ACOT1: variants seen among roughly 807,000 people sequenced by gnomAD.
ACOT1 encodes the protein acyl-coenzyme A thioesterase 1.
In ACOT1, 8 loss-of-function variants were observed where a neutral mutation model predicts 15.7. The ratio of observed to expected loss-of-function variants is 0.51; its 90% confidence interval spans 0.30 to 0.92. The LOEUF is 0.92. ACOT1 is among the 40% of genes least tolerant of loss of function. ACOT1 has a pLI of 0.06. For synonymous variants in ACOT1, 67 were observed against 241.2 expected, an observed-to-expected ratio of 0.28 and a Z score of 6.69; for missense variants, 151 against 539.4, an observed-to-expected ratio of 0.28 and a Z score of 7.13.
the ACOT1 span, among the ~76,000 whole-genome samples, chr14:73,494,690 A>AC: frequency 3.3e-5 from 5 of 152,092 alleles, no homozygotes; most frequent in African/African-American, 1.2e-4. Context: ...AGATAGGACT[A>AC]CCAGTGTGTG....
At chr14:73,504,880 G>T in the ACOT1 span, among the ~76,000 whole-genome samples, 1 of 152,126 alleles carries the variant, frequency 6.6e-6, no homozygotes, top group South Asian at 2.1e-4. Context: ...ACGAAGTGTT[G>T]CCTGGAATTC....
intron 1 of ACOT1, among the ~76,000 whole-genome samples, chr14:73,540,756 TTTTTTGA>T (rs1378415763): frequency 2.6e-5 from 3 of 117,532 alleles, no homozygotes; most frequent in Non-Finnish European, 1.8e-5. Flanking sequence ...TTTTTTTTTT[TTTTTTGA>T]GACAGTGTCT....
the ACOT1 span, chr14:73,492,098 C>G: frequency 1.9e-6 from 3 of 1,613,952 alleles, no homozygotes; most frequent in South Asian, 2.2e-5. This position sits in a 1 kb window ranked among gnomAD's most constrained non-coding sequence, Gnocchi z 4.9. Flanking sequence ...GCGTGTATAC[C>G]GACCCCGAGT....
At chr14:73,509,877 T>TTTA in the ACOT1 span, among the ~76,000 whole-genome samples, 1 of 111,624 alleles carries the variant, frequency 9.0e-6, no homozygotes, top group African/African-American at 3.3e-5. Context: ...TATTTATTTA[T>TTTA]TTTATATATT....
rs972068387 is a variant in ACOT1, at chr14:73,542,769, G to C, written c.661-281G>C. 2.7e-5 allele frequency among the ~76,000 whole-genome samples: 3 copies of C among 111,974 alleles called. 1 individual carries two copies. The highest frequency in any genetic ancestry group is 3.8e-5 in the Non-Finnish European group (2 of 52,294). The allele number at this position is 111,974 out of a possible 152,430, so 73.5% of individuals were successfully genotyped here. ...TATGACAGTGGGAATGGGTGGCTCA[G>C]GTGGGAGACAGAAAAAGATCATGGG... On this transcript the variant is annotated intron_variant, in intron 2 of 2. Transcript: ENST00000311148.
At chr14:73,501,659 G>C in the ACOT1 span, among the ~76,000 whole-genome samples, 1 of 139,980 alleles carries the variant, frequency 7.1e-6, no homozygotes, top group Non-Finnish European at 1.5e-5. Context: ...TGACAGCTTT[G>C]GACTTCCTGG....
the ACOT1 span, among the ~76,000 whole-genome samples, chr14:73,496,316 G>A: frequency 6.6e-6 from 1 of 152,116 alleles, no homozygotes; most frequent in African/African-American, 2.4e-5. Flanking sequence ...GGGGTTGATG[G>A]GGAGAAAATA....
chr14:73,519,105 G>C, the ACOT1 span: 3 of 1,613,870 alleles, frequency 1.9e-6, no homozygotes, highest in African/African-American at 2.7e-5. Context: ...ACCGATTTAG[G>C]TTTTCCAGGA....
chr14:73,524,662 C>G, the ACOT1 span, among the ~76,000 whole-genome samples: 1 of 149,610 alleles, frequency 6.7e-6, no homozygotes, highest in African/African-American at 2.5e-5. Flanking sequence ...GGTTTCAAAT[C>G]TAGCCTACTA....
the ACOT1 span, among the ~76,000 whole-genome samples, chr14:73,523,677 C>T: frequency 6.6e-6 from 1 of 152,192 alleles, no homozygotes; most frequent in Non-Finnish European, 1.5e-5. Context: ...CCTCTCTCCA[C>T]ATAATGAAGC....
chr14:73,502,462 G>C, the ACOT1 span, among the ~76,000 whole-genome samples: 1 of 152,038 alleles, frequency 6.6e-6, no homozygotes, highest in Non-Finnish European at 1.5e-5. Context: ...TAGTTTGTAG[G>C]GACTGTTAAT....
At chr14:73,493,033 T>TAA in the ACOT1 span, 1 of 1,599,902 alleles carries the variant, frequency 6.3e-7, no homozygotes, top group South Asian at 1.1e-5. Context: ...CTCACGTTCT[T>TAA]ACCTTGATAA....
At chr14:73,514,430 A>G in the ACOT1 span, among the ~76,000 whole-genome samples, 1 of 152,194 alleles carries the variant, frequency 6.6e-6, no homozygotes, top group Non-Finnish European at 1.5e-5. Flanking sequence ...CTGACTAGAC[A>G]TGGTAAGCCA....
the ACOT1 span, among the ~76,000 whole-genome samples, chr14:73,494,856 C>T: frequency 6.3e-4 from 96 of 152,156 alleles, 1 homozygote; most frequent in Admixed American, 1.1e-3. Flanking sequence ...CCACCACGCC[C>T]AACCACCAAC....
At chr14:73,495,516 A>C in the ACOT1 span, 1 of 710,824 alleles carries the variant, frequency 1.4e-6, no homozygotes. Flanking sequence ...CCAACAGTTC[A>C]AGGCTACAGT....
chr14:73,514,339 C>T, the ACOT1 span: 12 of 936,286 alleles, frequency 1.3e-5, no homozygotes, highest in African/African-American at 1.6e-4. Flanking sequence ...AATACCAAAG[C>T]AAAACAAAAC....
the ACOT1 span, chr14:73,492,757 A>G: frequency 1.2e-6 from 2 of 1,613,956 alleles, no homozygotes; most frequent in East Asian, 4.5e-5. This position sits in a 1 kb window ranked among gnomAD's most constrained non-coding sequence, Gnocchi z 4.9. Flanking sequence ...ATCATCTGGA[A>G]GAACCCAAGT....
chr14:73,491,038 T>G, the ACOT1 span: 1 of 1,583,782 alleles, frequency 6.3e-7, no homozygotes, highest in Non-Finnish European at 8.6e-7. Context: ...TCCAGGCCAG[T>G]GCAGGGCCGT....
chr14:73,519,093 G>A, the ACOT1 span: 1 of 1,613,968 alleles, frequency 6.2e-7, no homozygotes, highest in Non-Finnish European at 8.5e-7. Context: ...GCTGCTTGTT[G>A]TACCGATTTA....
Sources: gnomAD v4.1 joint callset for allele counts (sites outside exome capture counted in the v4.1 genomes callset) on GRCh38, gnomAD v4.1.1 for gene constraint, Gnocchi (gnomAD v3.1) non-coding constraint, MANE v1.5 for transcripts, NCBI Gene and HGNC (gene_info 2026-07-23, HGNC 2026-07-21) for gene names.